Variants in ANKS1A observed in about 807,000 individuals in gnomAD.
ANKS1A encodes the protein ankyrin repeat and sterile alpha motif domain containing 1A, also known as ankyrin repeat and SAM domain-containing protein 1A.
A neutral mutation model predicts 120.3 loss-of-function variants in ANKS1A; 55 were observed. The ratio of observed to expected loss-of-function variants is 0.46; its 90% CI spans 0.37 to 0.57. The LOEUF (loss-of-function observed/expected upper bound fraction) is 0.57. Among genes scored for constraint, ANKS1A ranks in the 20% least tolerant of loss-of-function variants. The pLI, the probability that ANKS1A is intolerant of heterozygous loss-of-function variation, is 0.00. For missense variants in ANKS1A, 1,123 were observed against 1,480.3 expected, an observed-to-expected ratio of 0.76 and a Z score of 3.96; for synonymous variants, 590 against 604.7, an observed-to-expected ratio of 0.98 and a Z score of 0.36.
chr6:34,945,632 T>G (rs1476599270), intron 1 of ANKS1A, among the ~76,000 whole-genome samples: 3 of 152,264 alleles, frequency 2.0e-5, no homozygotes, highest in Non-Finnish European at 2.9e-5. Context: ...AGCTTTATAC[T>G]GGCATACCTC....
intron 13 of ANKS1A, among the ~76,000 whole-genome samples, chr6:35,075,623 T>A: frequency 6.6e-6 from 1 of 151,940 alleles, no homozygotes; most frequent in Non-Finnish European, 1.5e-5. Context: ...ACCGTGTTGG[T>A]CAGGCTGGTC....
intron 7 of ANKS1A, among the ~76,000 whole-genome samples, chr6:34,984,061 T>A (rs1236310713): frequency 6.6e-6 from 1 of 152,212 alleles, no homozygotes; most frequent in African/African-American, 2.4e-5. Flanking sequence ...CCCAAAGTTC[T>A]GGGATTACAG....
At chr6:34,937,577 A>G (rs1205859318) in intron 1 of ANKS1A, among the ~76,000 whole-genome samples, 1 of 152,120 alleles carries the variant, frequency 6.6e-6, no homozygotes, top group Non-Finnish European at 1.5e-5. Flanking sequence ...GAGGCATGGG[A>G]CAGTGGGGAG....
intron 11 of ANKS1A, among the ~76,000 whole-genome samples, chr6:35,047,840 G>A (rs965542183): frequency 6.6e-6 from 1 of 152,140 alleles, no homozygotes; most frequent in Admixed American, 6.5e-5. Context: ...TTTCCTTCAC[G>A]TCATGTCAAG....
chr6:35,043,059 C>T (rs1318764623), intron 11 of ANKS1A, among the ~76,000 whole-genome samples: 2 of 151,844 alleles, frequency 1.3e-5, no homozygotes, highest in African/African-American at 4.9e-5. Context: ...TGCCTTCGTG[C>T]CTTACAGTCT....
At chr6:34,918,996 C>T (rs1407420213) in intron 1 of ANKS1A, among the ~76,000 whole-genome samples, 9 of 152,208 alleles carry the variant, frequency 5.9e-5, no homozygotes, top group East Asian at 3.9e-4. Flanking sequence ...GGATTACAGG[C>T]GCCTGCCACC....
chr6:35,077,399 A>G (rs1777423154), intron 13 of ANKS1A, among the ~76,000 whole-genome samples: 2 of 152,226 alleles, frequency 1.3e-5, no homozygotes, highest in Admixed American at 1.3e-4. Flanking sequence ...GCTGCGGAAC[A>G]ATCTCCTGTG....
At position 34,905,312 on chromosome 6, in the gene ANKS1A, G is replaced by A. The variant is rs146908667; in HGVS notation, c.197+15713G>A. The stretch of plus-strand genomic sequence containing the variant: ...ACTTTTGTCCTCAATGGGGCCAGCC[G>A]CCTGATTCTTGCTTTTTCAGGTTGC... On this transcript the variant is annotated intron_variant, in intron 1 of 23. Coordinates refer to ENST00000360359, the MANE Select transcript of ANKS1A (RefSeq NM_015245.3). 7.5e-3 allele frequency among the ~76,000 whole-genome samples: 1,138 copies of A among 152,308 alleles called. 22 individuals are homozygous for A. The highest frequency in any genetic ancestry group is 0.026 in the African/African-American group (1,076 of 41,556).
rs1778237051 is a variant in ANKS1A, at chr6:35,090,403, GC to G, written c.*1795del. ...ACATCCAAGTGGGCCTCTGTCGGGG[GC>G]GGGGCGGTAGGTCCGAAAGAAACCG... On this transcript the variant is annotated 3_prime_UTR_variant, in exon 24 of 24. Coordinates refer to ENST00000360359, the MANE Select transcript of ANKS1A (RefSeq NM_015245.3). 8.2e-7 allele frequency: 1 copy of G among 1,212,408 alleles called. No individual in the cohort carries two copies. Among genetic ancestry groups the G allele is most frequent in the African/African-American group, 1.6e-5 (1 of 63,288 alleles). The allele number at this position is 1,212,408 out of a possible 1,614,324, so 75.1% of individuals were successfully genotyped here.
chr6:35,085,778 G>A lies in ANKS1A; in HGVS notation c.3145G>A (p.Glu1049Lys), dbSNP rs759240874. ...TGCTTCCTCCCAGAACCTGACCTAC[G>A]AGATCATCCTGACGCTGGGGCAGGC... ...FSTVDVNLTY[E>K]IILTLGQAFE... Residue 1049 changes from glutamate (E) to lysine (K), a missense_variant, in exon 22 of 24, where the codon GAG (glutamate) becomes AAG (lysine). Around this residue, in one of 3 missense-constraint regions of ANKS1A, gnomAD observed 904 missense variants for 1,130.4 expected, o/e 0.80. Coordinates refer to ENST00000360359, the MANE Select transcript of ANKS1A (RefSeq NM_015245.3). The surrounding 1 kb of genome is among the most constrained non-coding windows in gnomAD (Gnocchi z 4.7). The A allele has an allele frequency of 4.4e-6, 7 of 1,594,064 alleles. No individual in the cohort carries two copies. Among genetic ancestry groups the A allele is most frequent in the Non-Finnish European group, 6.0e-6 (7 of 1,170,788 alleles).
At chr6:35,049,998 C>T (rs1484292496) in intron 11 of ANKS1A, among the ~76,000 whole-genome samples, 3 of 152,156 alleles carry the variant, frequency 2.0e-5, no homozygotes, top group African/African-American at 4.8e-5. Flanking sequence ...TTGTCATCTG[C>T]GTGGCTCTGC....
intron 1 of ANKS1A, among the ~76,000 whole-genome samples, chr6:34,890,309 C>G (rs1410917293): frequency 1.3e-5 from 2 of 152,166 alleles, no homozygotes; most frequent in Non-Finnish European, 2.9e-5. Flanking sequence ...CCAGGCTGGT[C>G]TCGAACTCTT....
In ANKS1A at chr6:34,970,037, C is replaced by G. The variant is rs776071772; in HGVS notation, c.306C>G (p.Asn102Lys). Reference sequence around the variant, plus strand: ...ATGTGGTCGAGGTTCTTCTGAGGAACGATGCGCTGACCAACGTGGCTGACT... The same window carrying G: ...ATGTGGTCGAGGTTCTTCTGAGGAAGGATGCGCTGACCAACGTGGCTGACT... ...HKDVVEVLLR[N>K]DALTNVADSK... Residue 102 changes from asparagine (N) to lysine (K), a missense_variant, in exon 3 of 24, where the codon AAC becomes AAG. Physicochemically the swap from Asn to Lys is moderately conservative, Grantham distance 94. This residue lies in a region of ANKS1A where 146 missense variants were observed against 267.8 expected (regional missense o/e 0.55). Transcript: ENST00000360359. 5.6e-6 allele frequency: 9 copies of G among 1,613,874 alleles called. No individual in the cohort carries two copies. Among genetic ancestry groups the G allele is most frequent in the African/African-American group, 2.7e-5 (2 of 74,900 alleles).
rs1774431878 is a variant in ANKS1A, at chr6:35,023,159, A to G, written c.2010+5100A>G. Reference sequence around the variant, plus strand: ...CCAATAGCTGTTCTCTCTGGGTTCTAGTAAACAGTCCTTCCCTTTGACCCT... The same window carrying G: ...CCAATAGCTGTTCTCTCTGGGTTCTGGTAAACAGTCCTTCCCTTTGACCCT... On this transcript the variant is annotated intron_variant, in intron 11 of 23. Coordinates refer to ENST00000360359, the MANE Select transcript of ANKS1A (RefSeq NM_015245.3). Among the ~76,000 whole-genome samples, 3 of 152,184 alleles carry G rather than the reference A, an allele frequency of 2.0e-5. No individual in the cohort carries two copies. In the South Asian group the frequency reaches 6.2e-4, roughly 32 times the overall value.
intron 12 of ANKS1A, among the ~76,000 whole-genome samples, chr6:35,055,554 T>C (rs1385736406): frequency 6.6e-6 from 1 of 152,196 alleles, no homozygotes; most frequent in Non-Finnish European, 1.5e-5. Flanking sequence ...GGTCTTGAAC[T>C]CCTGACCTCG....
At chr6:35,083,831 C>T (rs1777816264) in intron 20 of ANKS1A, among the ~76,000 whole-genome samples, 1 of 152,176 alleles carries the variant, frequency 6.6e-6, no homozygotes, top group Non-Finnish European at 1.5e-5. Context: ...TCCCACCTTC[C>T]TGACACCCTT....
Position 35,017,691 on chromosome 6 carries a change from G to C in ANKS1A, c.1642G>C (p.Gly548Arg), listed in dbSNP as rs781387574. 6.2e-7 allele frequency: 1 copy of C among 1,613,998 alleles called. No homozygotes were observed. The highest frequency in any genetic ancestry group is 8.5e-7 in the Non-Finnish European group (1 of 1,180,004). ...GGCCAGCATGCAGCTGGAGGAGACG[G>C]GTGTGCATGCTCCTGGAGCCTCCCA... is the stretch of plus-strand genomic sequence containing the variant. Reference protein sequence around the residue: ...HKASMQLEETGVHAPGASQPS... With the variant: ...HKASMQLEETRVHAPGASQPS... Residue 548 changes from glycine to arginine, a missense_variant, in exon 11 of 24, where the codon GGT becomes CGT. Physicochemically the swap from Gly to Arg is moderately radical, Grantham distance 125. This residue lies in a region of ANKS1A where 904 missense variants were observed against 1,130.4 expected (regional missense o/e 0.80). Transcript: ENST00000360359.
At chr6:34,932,278 C>T (rs1020027767) in intron 1 of ANKS1A, among the ~76,000 whole-genome samples, 8 of 152,210 alleles carry the variant, frequency 5.3e-5, no homozygotes, top group Non-Finnish European at 7.3e-5. Flanking sequence ...CTCGGCCTCC[C>T]GGGTTCAAGC....
At chr6:35,022,260 T>C (rs76442928) in intron 11 of ANKS1A, among the ~76,000 whole-genome samples, 122 of 152,318 alleles carry the variant, frequency 8.0e-4, no homozygotes, top group African/African-American at 2.8e-3. Flanking sequence ...TCTCTACAAT[T>C]TGTTTTTCAA....
Sources: allele counts gnomAD v4.1 joint callset (sites outside exome capture counted in the v4.1 genomes callset), GRCh38; gene constraint gnomAD v4.1.1; regional missense constraint gnomAD v4.1.1; non-coding constraint Gnocchi (gnomAD v3.1); transcripts MANE v1.5; gene names NCBI Gene and HGNC (gene_info 2026-07-23, HGNC 2026-07-21).